The following CACNA2D3 variants were observed in gnomAD, a reference collection of about 807,000 sequenced individuals.
The protein encoded by CACNA2D3 is calcium voltage-gated channel auxiliary subunit alpha2delta 3, also known as voltage-dependent calcium channel subunit alpha-2/delta-3.
CACNA2D3 carries 60 observed loss-of-function variants against 160.6 expected under a neutral mutation model. The ratio of observed to expected loss-of-function variants is 0.37; its 90% CI spans 0.30 to 0.46. The LOEUF (loss-of-function observed/expected upper bound fraction) is 0.46, where lower values mean the gene tolerates loss of function less well. Ranked by LOEUF, CACNA2D3 falls within the 20% of genes least tolerant of loss-of-function variation. CACNA2D3 has a pLI of 1.00. For synonymous variants in CACNA2D3, 558 were observed against 492.9 expected, an observed-to-expected ratio of 1.13 and a Z score of -1.75; for missense variants, 1,205 against 1,365.0, an observed-to-expected ratio of 0.88 and a Z score of 1.85.
intron 11 of CACNA2D3, among the ~76,000 whole-genome samples, chr3:54,663,152 C>T (rs6788462): frequency 0.041 from 6,240 of 152,326 alleles, 163 homozygotes; most frequent in Non-Finnish European, 0.058. Context: ...AAGAACCCTC[C>T]AGAGCTTTCT....
chr3:54,192,447 G>GA (rs1052970794), intron 2 of CACNA2D3, among the ~76,000 whole-genome samples: 6 of 152,164 alleles, frequency 3.9e-5, no homozygotes, highest in Admixed American at 2.6e-4. Flanking sequence ...GTGTAAATGT[G>GA]AAAACCATAG....
chr3:54,819,298 T>G (rs1703531937), intron 14 of CACNA2D3, among the ~76,000 whole-genome samples: 1 of 152,200 alleles, frequency 6.6e-6, no homozygotes, highest in African/African-American at 2.4e-5. Flanking sequence ...CCACTTTTGT[T>G]TTGAAAGTTA....
intron 13 of CACNA2D3, among the ~76,000 whole-genome samples, chr3:54,774,629 ATTTTTTTTTTT>A (rs111655457): frequency 1.0e-4 from 11 of 107,896 alleles, no homozygotes; most frequent in African/African-American, 3.8e-4. Flanking sequence ...CTCTTTGACT[ATTTTTTTTTTT>A]TTTTTTTTTT....
intron 11 of CACNA2D3, among the ~76,000 whole-genome samples, chr3:54,726,960 C>T (rs1049413278): frequency 9.2e-5 from 14 of 152,162 alleles, no homozygotes; most frequent in African/African-American, 1.9e-4. Context: ...AAGAAACTAT[C>T]GTCAGAGTGA....
intron 1 of CACNA2D3, 189 bp from the exon 2 acceptor site, chr3:54,123,324 C>T (rs1699515627): frequency 1.7e-6 from 1 of 592,194 alleles, no homozygotes; most frequent in Non-Finnish European, 3.0e-6. Flanking sequence ...CGGGCCCCCT[C>T]CCGCGCTGCG....
At position 54,535,627 on chromosome 3, in the gene CACNA2D3, T is replaced by C. The variant is rs557890510; in HGVS notation, c.545-27173T>C. On this transcript the variant is annotated intron_variant, in intron 5 of 37. Transcript: ENST00000474759. ...TGATTTACATTTCCAATAATGGCTG[T>C]AATTGAGAAAACAGAATATTGAGAA... Among the ~76,000 whole-genome samples, 953 of 152,342 alleles carry C rather than the reference T, an allele frequency of 6.3e-3. 9 individuals carry two copies. Among genetic ancestry groups the C allele is most frequent in the African/African-American group, 0.022 (914 of 41,576 alleles).
intron 2 of CACNA2D3, among the ~76,000 whole-genome samples, chr3:54,129,804 T>C (rs1576945392): frequency 6.6e-6 from 1 of 152,326 alleles, no homozygotes; most frequent in Middle Eastern, 3.4e-3. Flanking sequence ...CACATGCCAT[T>C]ACCGTAATAC....
At position 55,012,317 on chromosome 3, in the gene CACNA2D3, C is replaced by T. The variant is rs1703228495; in HGVS notation, c.2875+2874C>T. On this transcript the variant is annotated intron_variant, in intron 34 of 37. Coordinates refer to ENST00000474759, the MANE Select transcript of CACNA2D3 (RefSeq NM_018398.3). ...GGGTGGTGGTGGTTTTTTTTTTAAC[C>T]GAAATGTCTGGTTATTTCTTAGGAG... Among the ~76,000 whole-genome samples the T allele has an allele frequency of 3.3e-5, 5 of 151,854 alleles. No homozygotes were observed. The South Asian group carries it at 6.2e-4, about 19-fold the overall frequency.
chr3:54,285,556 C>G (rs888768323), intron 2 of CACNA2D3, among the ~76,000 whole-genome samples: 1 of 152,180 alleles, frequency 6.6e-6, no homozygotes, highest in Non-Finnish European at 1.5e-5. Flanking sequence ...CTTAAATGTC[C>G]CTGTCTGACA....
chr3:54,346,407 T>TAGCC (rs1698459474), intron 3 of CACNA2D3, among the ~76,000 whole-genome samples: 1 of 152,328 alleles, frequency 6.6e-6, no homozygotes, highest in African/African-American at 2.4e-5. Context: ...GCCTTTGCCA[T>TAGCC]AGTTATCTGT....
intron 4 of CACNA2D3, among the ~76,000 whole-genome samples, chr3:54,443,703 G>T (rs1012329396): frequency 6.6e-6 from 1 of 152,120 alleles, no homozygotes; most frequent in Non-Finnish European, 1.5e-5. Flanking sequence ...TCACTGGGTC[G>T]GCTACATTGT....
At chr3:54,374,393 A>G (rs878888155) in intron 3 of CACNA2D3, among the ~76,000 whole-genome samples, 2 of 152,258 alleles carry the variant, frequency 1.3e-5, no homozygotes, top group Admixed American at 1.3e-4. Flanking sequence ...AGCCCTGCTC[A>G]GGGCGAGGGA....
At chr3:54,729,592 C>T (rs1364766694) in intron 11 of CACNA2D3, among the ~76,000 whole-genome samples, 2 of 152,172 alleles carry the variant, frequency 1.3e-5, no homozygotes, top group Non-Finnish European at 2.9e-5. Flanking sequence ...TGCCAGCTTT[C>T]CTCCATTCGA....
chr3:54,492,758 C>T (rs904014701), intron 4 of CACNA2D3, among the ~76,000 whole-genome samples: 2 of 152,214 alleles, frequency 1.3e-5, no homozygotes, highest in Non-Finnish European at 2.9e-5. Context: ...TCCTTAAACT[C>T]AGCTCTCCCT....
chr3:54,635,678 C>T (rs2106832441), intron 10 of CACNA2D3, among the ~76,000 whole-genome samples: 1 of 151,914 alleles, frequency 6.6e-6, no homozygotes, highest in African/African-American at 2.4e-5. Context: ...GGTGGCTGAG[C>T]TTGGTGAGGT....
At chr3:54,988,549 A>G (rs1032266602) in intron 31 of CACNA2D3, among the ~76,000 whole-genome samples, 3 of 152,134 alleles carry the variant, frequency 2.0e-5, no homozygotes, top group African/African-American at 7.2e-5. Flanking sequence ...GGCATATTTG[A>G]TGCTGTTAAA....
intron 14 of CACNA2D3, among the ~76,000 whole-genome samples, chr3:54,832,241 G>C (rs907189560): frequency 2.6e-5 from 4 of 152,170 alleles, no homozygotes; most frequent in African/African-American, 9.7e-5. Flanking sequence ...TACATGCCTA[G>C]TTAATAAACT....
At chr3:54,873,480 G>A (rs1699588058) in intron 18 of CACNA2D3, among the ~76,000 whole-genome samples, 1 of 152,020 alleles carries the variant, frequency 6.6e-6, no homozygotes, top group Admixed American at 6.6e-5. Flanking sequence ...GCTCACTCCA[G>A]TCATCACCTG....
intron 4 of CACNA2D3, among the ~76,000 whole-genome samples, chr3:54,388,420 G>C (rs1205043114): frequency 1.3e-5 from 2 of 152,148 alleles, no homozygotes; most frequent in Non-Finnish European, 2.9e-5. Context: ...GAATGGTTCT[G>C]GAGGGGCAAA....
Sources: gnomAD v4.1 joint callset for allele counts (sites outside exome capture counted in the v4.1 genomes callset) on GRCh38, gnomAD v4.1.1 for gene constraint, MANE v1.5 for transcripts, NCBI Gene and HGNC (gene_info 2026-07-23, HGNC 2026-07-21) for gene names.